The following TBCD variants were observed in gnomAD, a reference collection of about 807,000 sequenced individuals.
TBCD encodes tubulin-specific chaperone D.
A neutral mutation model predicts 169.3 loss-of-function variants in TBCD; 105 were observed. The ratio of observed to expected loss-of-function variants is 0.62; its 90% CI spans 0.53 to 0.73. TBCD has a LOEUF of 0.73. Ranked by LOEUF, TBCD falls within the 30% of genes least tolerant of loss-of-function variation. TBCD has a pLI of 0.00. For missense variants in TBCD, 1,444 were observed against 1,600.1 expected, an observed-to-expected ratio of 0.90 and a Z score of 1.66; for synonymous variants, 700 against 643.9, an observed-to-expected ratio of 1.09 and a Z score of -1.32.
intron 5 of TBCD, among the ~76,000 whole-genome samples, chr17:82,768,782 C>G (rs1321056779): frequency 2.6e-5 from 4 of 152,056 alleles, no homozygotes; most frequent in African/African-American, 9.7e-5. Context: ...GTAGATGATG[C>G]AAATACTCTG....
chr17:82,777,147 T>A (rs2048650850), intron 6 of TBCD, among the ~76,000 whole-genome samples: 1 of 152,194 alleles, frequency 6.6e-6, no homozygotes, highest in Non-Finnish European at 1.5e-5. Context: ...CCTGCAGTCT[T>A]ATTAAGAGAT....
At chr17:82,938,783 G>A (rs959792770) in intron 36 of TBCD, among the ~76,000 whole-genome samples, 3 of 150,192 alleles carry the variant, frequency 2.0e-5, no homozygotes, top group Admixed American at 1.3e-4. Flanking sequence ...GAGAGCAGGC[G>A]AGATTGCTTC....
At chr17:82,918,110 C>T (rs542772409) in intron 23 of TBCD, among the ~76,000 whole-genome samples, 78 of 152,326 alleles carry the variant, frequency 5.1e-4, no homozygotes, top group Admixed American at 9.8e-4. Flanking sequence ...CATGCTTCCT[C>T]CGCGGTGACT....
chr17:82,892,353 A>C (rs376310266), intron 16 of TBCD, among the ~76,000 whole-genome samples: 3 of 151,918 alleles, frequency 2.0e-5, no homozygotes, highest in African/African-American at 7.3e-5. Context: ...CAACAGCTCC[A>C]CCTGGGTGCA....
rs562345919 is a variant in TBCD at position 82,833,266 on chromosome 17, C to G, written c.1318+18332C>G. ...GGGAGCTCTCCCAAGTGCTGTGCGC[C>G]CCTGCCGTCGGCCTGTAGAACCCAA... On this transcript the variant is annotated intron_variant, in intron 13 of 38. Transcript: ENST00000355528. This position sits in a 1 kb window ranked among gnomAD's most constrained non-coding sequence, Gnocchi z 4.7. Among the ~76,000 whole-genome samples the G allele has an allele frequency of 2.6e-5, 4 of 152,254 alleles. No homozygotes were observed. The highest frequency in any genetic ancestry group is 6.5e-5 in the Admixed American group (1 of 15,300).
chr17:82,855,636 A>G (rs963929405), intron 13 of TBCD, among the ~76,000 whole-genome samples: 7 of 152,202 alleles, frequency 4.6e-5, no homozygotes, highest in Admixed American at 2.6e-4. Flanking sequence ...AAAATTTCAC[A>G]TAACATAAAA....
chr17:82,776,092 G>T (rs565875682), intron 6 of TBCD, among the ~76,000 whole-genome samples: 25 of 152,182 alleles, frequency 1.6e-4, no homozygotes, highest in African/African-American at 5.3e-4. Flanking sequence ...GGTGGTGCGT[G>T]CCTCTAATTC....
intron 14 of TBCD, among the ~76,000 whole-genome samples, chr17:82,877,475 G>A (rs1186482006): frequency 6.6e-6 from 1 of 152,048 alleles, no homozygotes; most frequent in Non-Finnish European, 1.5e-5. Flanking sequence ...TAGTAGCTGG[G>A]ATTACAGGTG....
In TBCD at chr17:82,929,211, T is replaced by C; in HGVS notation, c.2792T>C (p.Phe931Ser). 6.2e-7 allele frequency: 1 copy of C among 1,613,930 alleles called. No individual in the cohort carries two copies. Among genetic ancestry groups the C allele is most frequent in the Non-Finnish European group, 8.5e-7 (1 of 1,179,878 alleles). The change falls in exon 31 of 39, where the codon TTT becomes TCT. Residue 931 changes from phenylalanine to serine, a missense_variant. Coordinates refer to ENST00000355528, the MANE Select transcript of TBCD (RefSeq NM_005993.5). ...AASVFLTLLH[F>S]DSPPIPHVPH... Reference sequence around the variant, plus strand: ...AGCGTGTTCCTGACGCTCCTGCACTTTGACAGCCCTCCCATCCCCCACGTG... The same window carrying C: ...AGCGTGTTCCTGACGCTCCTGCACTCTGACAGCCCTCCCATCCCCCACGTG...
intron 9 of TBCD, among the ~76,000 whole-genome samples, chr17:82,801,763 A>G (rs576409754): frequency 9.2e-4 from 117 of 126,850 alleles, no homozygotes; most frequent in Non-Finnish European, 1.6e-3. Flanking sequence ...GCTCAGGGTC[A>G]GCGTGGCAGG....
chr17:82,798,198 G>A (rs905160217), intron 8 of TBCD, among the ~76,000 whole-genome samples: 1 of 142,610 alleles, frequency 7.0e-6, no homozygotes, highest in Non-Finnish European at 1.5e-5. Flanking sequence ...CCAGGCTGGA[G>A]TGCAGTGGCA....
chr17:82,766,160 G>A (rs1475119849), intron 3 of TBCD, 107 bp from the exon 4 acceptor site: 1 of 840,036 alleles, frequency 1.2e-6, no homozygotes, highest in Non-Finnish European at 1.9e-6. Context: ...AATTCTCTTT[G>A]ATCAGTGGGT....
In TBCD at chr17:82,831,436, C is replaced by T; in HGVS notation, c.1318+16502C>T. 6.2e-7 allele frequency: 1 copy of T among 1,614,034 alleles called. No individual in the cohort carries two copies. The highest frequency in any genetic ancestry group is 1.3e-5 in the African/African-American group (1 of 74,992). On this transcript the variant is annotated intron_variant, in intron 13 of 38. Coordinates refer to ENST00000355528, the MANE Select transcript of TBCD (RefSeq NM_005993.5). This position sits in a 1 kb window ranked among gnomAD's most constrained non-coding sequence, Gnocchi z 4.6. ...GTGAGAGCTCTGATCTCGGGTGAGG[C>T]CAGTGACAGGTGGGAGTCTGAGACC...
chr17:82,857,668 A>C (rs1359368478), intron 13 of TBCD, among the ~76,000 whole-genome samples: 1 of 151,846 alleles, frequency 6.6e-6, no homozygotes, highest in Non-Finnish European at 1.5e-5. Context: ...GGAAAGTATG[A>C]AGCTTGTCGG....
At chr17:82,940,806 G>A (rs2063142990) in intron 37 of TBCD, among the ~76,000 whole-genome samples, 1 of 152,076 alleles carries the variant, frequency 6.6e-6, no homozygotes, top group Admixed American at 6.5e-5. Context: ...TAAAATAATT[G>A]GCTTTAGGAC....
chr17:82,772,176 G>T (rs1256996400), intron 5 of TBCD, among the ~76,000 whole-genome samples: 1 of 152,142 alleles, frequency 6.6e-6, no homozygotes, highest in Non-Finnish European at 1.5e-5. Context: ...ACATTCTCCT[G>T]CTCTGTTCTT....
chr17:82,941,376 C>T, intron 37 of TBCD, 23 bp from the exon 38 acceptor site: 2 of 1,562,516 alleles, frequency 1.3e-6, no homozygotes, highest in Non-Finnish European at 1.7e-6. Context: ...TCGAGAGACT[C>T]ACGGCTCTCC....
At chr17:82,940,220 C>CACACACACACACA (rs1277826403) in intron 37 of TBCD, among the ~76,000 whole-genome samples, 1 of 89,174 alleles carries the variant, frequency 1.1e-5, no homozygotes, top group Non-Finnish European at 2.3e-5. Context: ...CTTGCACGCG[C>CACACACACACACA]GCACACACAC....
intron 13 of TBCD, among the ~76,000 whole-genome samples, chr17:82,842,389 C>T (rs1022609367): frequency 6.6e-6 from 1 of 152,178 alleles, no homozygotes; most frequent in Non-Finnish European, 1.5e-5. Flanking sequence ...CCCTCTCTCC[C>T]CCTCTCTCCC....
Sources: gnomAD v4.1 joint callset for allele counts (sites outside exome capture counted in the v4.1 genomes callset) on GRCh38, gnomAD v4.1.1 for gene constraint, Gnocchi (gnomAD v3.1) non-coding constraint, MANE v1.5 for transcripts, NCBI Gene and HGNC (gene_info 2026-07-23, HGNC 2026-07-21) for gene names.